Variants in TMCO4 observed in about 807,000 individuals in gnomAD.
The protein encoded by TMCO4 is transmembrane and coiled-coil domain-containing protein 4.
In TMCO4, 58 loss-of-function variants were observed where a neutral mutation model predicts 64.7. The ratio of observed to expected loss-of-function variants is 0.90; its 90% CI spans 0.73 to 1.12. TMCO4 has a LOEUF of 1.12. Ranked by LOEUF, TMCO4 falls within the 50% of genes most tolerant of loss-of-function variation. TMCO4 has a pLI of 0.00. For missense variants in TMCO4, 780 were observed against 825.9 expected (o/e 0.94, Z 0.68); for synonymous variants, 325 against 346.1 (o/e 0.94, Z 0.68).
At chr1:19,685,993 C>T (rs1359985573) in intron 15 of TMCO4, among the ~76,000 whole-genome samples, 1 of 152,166 alleles carries the variant, frequency 6.6e-6, no homozygotes, top group Non-Finnish European at 1.5e-5. Context: ...TCCCAAAGTG[C>T]TGGGATTACA....
At position 19,771,309 on chromosome 1, in the gene TMCO4, T is replaced by C; in HGVS notation, c.353A>G (p.Gln118Arg). 2 of 1,613,792 alleles carry C rather than the reference T, an allele frequency of 1.2e-6. No individual in the cohort carries two copies. Among genetic ancestry groups the C allele is most frequent in the Non-Finnish European group, 1.7e-6 (2 of 1,179,770 alleles). The stretch of plus-strand genomic sequence containing the variant: ...GCCACCACCAGGTGTTGGGTGTACC[T>C]GAGTGATCACCGTCGGGTCGTCCTT... ...ILKDDPTVITQDLLSFSLKDG... is the reference protein window; with the variant it reads ...ILKDDPTVITRDLLSFSLKDG... Residue 118 changes from glutamine to arginine, a missense_variant and splice_region_variant, in exon 5 of 16, where the codon CAG (glutamine) becomes CGG (arginine). Transcript: ENST00000294543.
At chr1:19,747,499 G>C (rs1329438598) in intron 7 of TMCO4, among the ~76,000 whole-genome samples, 1 of 152,054 alleles carries the variant, frequency 6.6e-6, no homozygotes, top group Non-Finnish European at 1.5e-5. Flanking sequence ...ATCCTAACAG[G>C]GTTGCAATTT....
At chr1:19,781,144 C>CAA (rs535767635) in intron 3 of TMCO4, among the ~76,000 whole-genome samples, 1,865 of 50,728 alleles carry the variant, frequency 0.037, 32 homozygotes, top group Admixed American at 0.055. Context: ...GACTCCATCT[C>CAA]AAAAAAAAAA....
chr1:19,761,323 C>G (rs1382762471), intron 6 of TMCO4, among the ~76,000 whole-genome samples: 1 of 152,224 alleles, frequency 6.6e-6, no homozygotes. Flanking sequence ...CCAGCCTGCA[C>G]CCCTTCCTCA....
At chr1:19,771,113 A>G (rs536166402) in intron 5 of TMCO4, among the ~76,000 whole-genome samples, 195 bp downstream of exon 5, 1 of 151,012 alleles carries the variant, frequency 6.6e-6, no homozygotes, top group South Asian at 2.1e-4. Flanking sequence ...AAAAGGAACC[A>G]GCACGTAATC....
At chr1:19,755,136 CT>C (rs1264214807) in intron 7 of TMCO4, among the ~76,000 whole-genome samples, 1 of 152,054 alleles carries the variant, frequency 6.6e-6, no homozygotes, top group Non-Finnish European at 1.5e-5. Flanking sequence ...CTTTTCTTTT[CT>C]TTTTTGAGAC....
intron 13 of TMCO4, among the ~76,000 whole-genome samples, chr1:19,722,242 G>A (rs995116569): frequency 5.9e-5 from 9 of 152,156 alleles, no homozygotes; most frequent in Non-Finnish European, 1.3e-4. Flanking sequence ...CTCATGGGAC[G>A]AAAGAATGAA....
rs1557437998 is a variant in TMCO4 at position 19,683,281 on chromosome 1, G to GT, written c.1663dup (p.Thr555AsnfsTer38). The GT allele has an allele frequency of 6.2e-7, 1 of 1,614,120 alleles. No individual in the cohort carries two copies. Among genetic ancestry groups the GT allele is most frequent in the East Asian group, 2.2e-5 (1 of 44,866 alleles). On this transcript the variant is annotated frameshift_variant, in exon 16 of 16. Transcript: ENST00000294543. LOFTEE classifies it low-confidence loss of function (END_TRUNC). Reference sequence around the variant, plus strand: ...CTGGGTTTGCCCAACCTGGTGGGGGGTCTCGCCTGATGAGGCGGCAGCTGC... The same window carrying GT: ...CTGGGTTTGCCCAACCTGGTGGGGGGTTCTCGCCTGATGAGGCGGCAGCTGC...
chr1:19,745,472 G>T, intron 10 of TMCO4, 60 bp downstream of exon 10: 1 of 1,609,906 alleles, frequency 6.2e-7, no homozygotes, highest in African/African-American at 1.3e-5. Flanking sequence ...ACCTAGCCCA[G>T]GGTCTGGCCC....
In TMCO4 at chr1:19,734,997, A is replaced by G. The variant is rs1570811097; in HGVS notation, c.1264+2375T>C. Among the ~76,000 whole-genome samples, 1 of 152,120 alleles carries G rather than the reference A, an allele frequency of 6.6e-6. No homozygotes were observed. Among genetic ancestry groups the G allele is most frequent in the Non-Finnish European group, 1.5e-5 (1 of 68,002 alleles). The stretch of plus-strand genomic sequence containing the variant: ...CAGCATGTGCCTGATTCCCTCACCC[A>G]AAGTCCAGCTCCTTCATCTTCCTGA... On this transcript the variant is annotated intron_variant, in intron 13 of 15. Coordinates refer to ENST00000294543, the MANE Select transcript of TMCO4 (RefSeq NM_181719.7). The surrounding 1 kb of genome is among the most constrained non-coding windows in gnomAD (Gnocchi z 4.4).
intron 14 of TMCO4, 131 bp from the exon 15 acceptor site, chr1:19,694,682 T>A: frequency 1.3e-6 from 1 of 751,490 alleles, no homozygotes; most frequent in Non-Finnish European, 2.2e-6. Flanking sequence ...GGCCCCTGAT[T>A]GCACGGTGGG....
intron 8 of TMCO4, among the ~76,000 whole-genome samples, 159 bp downstream of exon 8, chr1:19,747,004 C>T (rs531471572): frequency 3.3e-5 from 5 of 150,720 alleles, no homozygotes; most frequent in African/African-American, 1.2e-4. Context: ...AAGTTTCTGA[C>T]AGTGCTGATG....
At chr1:19,788,861 G>C (rs2043874729) in intron 2 of TMCO4, among the ~76,000 whole-genome samples, 4 of 151,858 alleles carry the variant, frequency 2.6e-5, no homozygotes, top group Admixed American at 1.3e-4. Flanking sequence ...GGATCAGGAG[G>C]TCAGGAGATC....
At chr1:19,784,507 C>T (rs1038147454) in intron 3 of TMCO4, among the ~76,000 whole-genome samples, 4 of 152,140 alleles carry the variant, frequency 2.6e-5, no homozygotes, top group Non-Finnish European at 5.9e-5. Context: ...GCACTCCAGT[C>T]TGGACAACAG....
rs148675058 is a variant in TMCO4, at chr1:19,725,935, G to A, written c.1264+11437C>T. On this transcript the variant is annotated intron_variant, in intron 13 of 15. Transcript: ENST00000294543. ...CCTTGGGGGCTGAGGAGTCCACTTT[G>A]CCAAGGCAGTTCGAGCCTTGCCGCA... Among the ~76,000 whole-genome samples the A allele has an allele frequency of 6.5e-3, 987 of 152,328 alleles. 9 individuals are homozygous for A. Among genetic ancestry groups the A allele is most frequent in the African/African-American group, 0.022 (907 of 41,580 alleles).
chr1:19,695,033 C>T (rs760709313), intron 14 of TMCO4, among the ~76,000 whole-genome samples: 2 of 152,116 alleles, frequency 1.3e-5, no homozygotes, highest in Admixed American at 1.3e-4. Context: ...GGGGTCTAGG[C>T]GACCTATCTG....
At chr1:19,736,137 T>C (rs1036410198) in intron 13 of TMCO4, among the ~76,000 whole-genome samples, 1 of 152,196 alleles carries the variant, frequency 6.6e-6, no homozygotes, top group Non-Finnish European at 1.5e-5. Context: ...CCACCGTGTT[T>C]GGAGAGGCCG....
chr1:19,696,383 C>T (rs570764403), intron 14 of TMCO4, among the ~76,000 whole-genome samples: 2 of 151,668 alleles, frequency 1.3e-5, no homozygotes, highest in African/African-American at 4.9e-5. Flanking sequence ...GACCCCATCT[C>T]TACAAAACAC....
Position 19,689,159 on chromosome 1 carries a change from A to T in TMCO4, c.1500+5275T>A, listed in dbSNP as rs139359094. On this transcript the variant is annotated intron_variant, in intron 15 of 15. Coordinates refer to ENST00000294543, the MANE Select transcript of TMCO4 (RefSeq NM_181719.7). ...AGAGGGTGGCCAGCATTTCCCCAACAGCAGTAATGAAACCTCCCTTGCCAG... is the reference window on the plus strand; with the variant it reads ...AGAGGGTGGCCAGCATTTCCCCAACTGCAGTAATGAAACCTCCCTTGCCAG... Among the ~76,000 whole-genome samples the T allele has an allele frequency of 3.6e-3, 542 of 152,320 alleles. 6 individuals are homozygous for T. The highest frequency in any genetic ancestry group is 0.012 in the African/African-American group (504 of 41,560).
Sources: gnomAD v4.1 joint callset for allele counts (sites outside exome capture counted in the v4.1 genomes callset) on GRCh38, gnomAD v4.1.1 for gene constraint, Gnocchi (gnomAD v3.1) non-coding constraint, MANE v1.5 for transcripts, NCBI Gene and HGNC (gene_info 2026-07-23, HGNC 2026-07-21) for gene names.